RBFOX1: variants seen among roughly 807,000 people sequenced by gnomAD.
The protein encoded by RBFOX1 is RNA binding fox-1 homolog 1, also known as RNA binding protein fox-1 homolog 1.
RBFOX1 carries 8 observed loss-of-function variants against 57.7 expected under a neutral mutation model. The ratio of observed to expected loss-of-function variants is 0.14; its 90% CI spans 0.08 to 0.25. RBFOX1 has a LOEUF of 0.25. Ranked by LOEUF, RBFOX1 falls within the 10% of genes least tolerant of loss-of-function variation. The probability of loss-of-function intolerance (pLI) is 1.00; values close to 1 mark genes in which losing one functional copy is unlikely to be tolerated. For missense variants in RBFOX1, 611 were observed against 548.5 expected (o/e 1.11, Z -1.14); for synonymous variants, 326 against 222.4 (o/e 1.47, Z -4.15).
At chr16:7,369,803 C>G (rs1386706889) in intron 4 of RBFOX1, among the ~76,000 whole-genome samples, 1 of 152,152 alleles carries the variant, frequency 6.6e-6, no homozygotes, top group African/African-American at 2.4e-5. Context: ...TTGCAGTGAT[C>G]ATAATAGCTC....
chr16:5,781,875 T>C (rs1247247666), intron 3 of RBFOX1, among the ~76,000 whole-genome samples: 2 of 152,220 alleles, frequency 1.3e-5, no homozygotes, highest in Non-Finnish European at 2.9e-5. Context: ...TCCATTGTGC[T>C]GCTATAACGA....
At chr16:5,627,108 ACTTTTT>A (rs2151295233) in intron 3 of RBFOX1, among the ~76,000 whole-genome samples, 1 of 152,286 alleles carries the variant, frequency 6.6e-6, no homozygotes, top group African/African-American at 2.4e-5. Context: ...ATCTATTTAA[ACTTTTT>A]CTTTTTACTT....
At chr16:7,670,995 C>A (rs1180288071) in intron 13 of RBFOX1, among the ~76,000 whole-genome samples, 1 of 152,190 alleles carries the variant, frequency 6.6e-6, no homozygotes, top group Non-Finnish European at 1.5e-5. Context: ...CATATATACT[C>A]ACAGTTCTCT....
intron 3 of RBFOX1, among the ~76,000 whole-genome samples, chr16:6,869,795 A>G (rs1373992778): frequency 2.0e-5 from 3 of 152,170 alleles, no homozygotes; most frequent in Non-Finnish European, 4.4e-5. Context: ...ATTTCCAATT[A>G]CTTAATTCTG....
chr16:5,981,423 A>G (rs1284979931), intron 4 of RBFOX1, among the ~76,000 whole-genome samples: 1 of 152,114 alleles, frequency 6.6e-6, no homozygotes, highest in African/African-American at 2.4e-5. Context: ...CATGGAAACT[A>G]TTGGATTAGA....
intron 2 of RBFOX1, among the ~76,000 whole-genome samples, chr16:6,609,768 G>T (rs1196452083): frequency 6.6e-6 from 1 of 152,032 alleles, no homozygotes; most frequent in African/African-American, 2.4e-5. Flanking sequence ...CTAGCACTTT[G>T]GGAGGCCGAG....
At chr16:6,947,540 T>G (rs1259377016) in intron 3 of RBFOX1, among the ~76,000 whole-genome samples, 1 of 152,224 alleles carries the variant, frequency 6.6e-6, no homozygotes, top group African/African-American at 2.4e-5. Flanking sequence ...GAAATCCTCC[T>G]GAAACATGAA....
At chr16:7,040,653 A>G (rs567326222) in intron 3 of RBFOX1, among the ~76,000 whole-genome samples, 1 of 152,134 alleles carries the variant, frequency 6.6e-6, no homozygotes, top group East Asian at 1.9e-4. Flanking sequence ...TTTTCCAGGT[A>G]TAAATGGATA....
intron 3 of RBFOX1, among the ~76,000 whole-genome samples, chr16:5,681,373 C>T (rs1044701038): frequency 1.1e-4 from 17 of 150,148 alleles, no homozygotes; most frequent in Non-Finnish European, 2.2e-4. Context: ...CATGAGCTAC[C>T]GTGCCCAGCT....
chr16:5,358,671 A>C (rs2065459119), intron 1 of RBFOX1, among the ~76,000 whole-genome samples: 1 of 152,128 alleles, frequency 6.6e-6, no homozygotes, highest in South Asian at 2.1e-4. Context: ...TAAAAATACA[A>C]AATTAGCCGG....
At chr16:5,749,863 A>C (rs1161536593) in intron 3 of RBFOX1, among the ~76,000 whole-genome samples, 2 of 151,992 alleles carry the variant, frequency 1.3e-5, no homozygotes, top group Admixed American at 1.3e-4. Context: ...TCTTCTCTCA[A>C]CTCGTCGAAG....
rs116475719 is a variant in RBFOX1 at position 7,077,246 on chromosome 16, G to A, written c.27+25148G>A. Among the ~76,000 whole-genome samples the A allele has an allele frequency of 5.4e-3, 821 of 152,316 alleles. 8 individuals carry two copies. The highest frequency in any genetic ancestry group is 0.019 in the African/African-American group (770 of 41,562). On this transcript the variant is annotated intron_variant, in intron 4 of 15. Transcript: ENST00000550418. Reference sequence around the variant, plus strand: ...AGACAATCCATGAGGGGAAATGTTGGCATTGGTGGGCAAGGTACTGTTAGC... The same window carrying A: ...AGACAATCCATGAGGGGAAATGTTGACATTGGTGGGCAAGGTACTGTTAGC...
chr16:6,142,446 C>G (rs1271577720), intron 1 of RBFOX1, among the ~76,000 whole-genome samples: 1 of 152,022 alleles, frequency 6.6e-6, no homozygotes, highest in Non-Finnish European at 1.5e-5. Flanking sequence ...TGGTCTCGAT[C>G]TCCTGACCTT....
chr16:6,437,660 G>A (rs368065080), intron 2 of RBFOX1, among the ~76,000 whole-genome samples: 1 of 152,194 alleles, frequency 6.6e-6, no homozygotes, highest in South Asian at 2.1e-4. Flanking sequence ...TTCACAGGCT[G>A]TATAGGAGGC....
chr16:6,556,996 CATATATAT>C (rs886273516), intron 2 of RBFOX1, among the ~76,000 whole-genome samples: 3 of 42,992 alleles, frequency 7.0e-5, no homozygotes, highest in Admixed American at 5.2e-4. Context: ...TATATACATA[CATATATAT>C]ACATATATAT....
chr16:6,668,488 C>T (rs2098746022), intron 3 of RBFOX1, among the ~76,000 whole-genome samples: 1 of 152,200 alleles, frequency 6.6e-6, no homozygotes, highest in African/African-American at 2.4e-5. Context: ...TGCAGCTTAA[C>T]AAGGCACTGG....
rs1432510677 is a variant in RBFOX1 at position 6,165,226 on chromosome 16, A to G, written c.-127+145234A>G. On this transcript the variant is annotated intron_variant, in intron 1 of 15. Transcript: ENST00000550418. Reference sequence around the variant, plus strand: ...GGAACAAGATAATGTAAAATGATGAATGAAAGGCTTTACATACAGCAAGTG... The same window carrying G: ...GGAACAAGATAATGTAAAATGATGAGTGAAAGGCTTTACATACAGCAAGTG... Among the ~76,000 whole-genome samples, 6 of 152,354 alleles carry G rather than the reference A, an allele frequency of 3.9e-5. No homozygotes were observed. The South Asian group carries it at 1.0e-3, about 26-fold the overall frequency.
chr16:6,186,687 A>G (rs1434844243), intron 1 of RBFOX1, among the ~76,000 whole-genome samples: 1 of 152,168 alleles, frequency 6.6e-6, no homozygotes, highest in Non-Finnish European at 1.5e-5. Context: ...AGGAAACAAG[A>G]TGGAAGCTCC....
intron 3 of RBFOX1, among the ~76,000 whole-genome samples, chr16:5,617,626 C>G (rs560831832): frequency 1.3e-5 from 2 of 152,312 alleles, no homozygotes; most frequent in East Asian, 3.9e-4. Flanking sequence ...TGTAATCAAG[C>G]TGTCTTTATT....
Sources: gnomAD v4.1 joint callset for allele counts (sites outside exome capture counted in the v4.1 genomes callset) on GRCh38, gnomAD v4.1.1 for gene constraint, MANE v1.5 for transcripts, NCBI Gene and HGNC (gene_info 2026-07-23, HGNC 2026-07-21) for gene names.